RUVBL1: variants seen among roughly 807,000 people sequenced by gnomAD.
The protein encoded by RUVBL1 is RuvB like AAA ATPase 1, also known as ruvB-like 1.
RUVBL1 carries 4 observed loss-of-function variants against 52.4 expected under a neutral mutation model. The observed-to-expected ratio is 0.08, with a 90% CI of 0.04 to 0.17. The LOEUF is 0.17. RUVBL1 is among the 10% of genes least tolerant of loss of function. The probability of loss-of-function intolerance (pLI) is 1.00; values close to 1 mark genes in which losing one functional copy is unlikely to be tolerated. For missense variants in RUVBL1, 298 were observed against 572.8 expected, an observed-to-expected ratio of 0.52 and a Z score of 4.90; for synonymous variants, 217 against 214.4, an observed-to-expected ratio of 1.01 and a Z score of -0.10.
At chr3:128,070,952 G>A (rs1360043413) in intron 9 of RUVBL1, 2 of 152,276 alleles carry the variant, frequency 1.3e-5, no homozygotes, top group Admixed American at 6.5e-5. Context: ...TCGAGGTTTC[G>A]AGCTGGCTTT....
chr3:128,151,492 G>C (rs772464473), intron 1 of RUVBL1, among the ~76,000 whole-genome samples: 9 of 151,720 alleles, frequency 5.9e-5, no homozygotes, highest in Non-Finnish European at 1.3e-4. Flanking sequence ...GGTACATAAA[G>C]CCTCTAAAGC....
chr3:128,090,687 A>G (rs1191167201), intron 8 of RUVBL1, among the ~76,000 whole-genome samples: 1 of 152,236 alleles, frequency 6.6e-6, no homozygotes, highest in Non-Finnish European at 1.5e-5. Context: ...AAATCTCAGT[A>G]TTTGGTGTGC....
chr3:128,116,283 G>A (rs915942622), intron 2 of RUVBL1, among the ~76,000 whole-genome samples: 1 of 152,122 alleles, frequency 6.6e-6, no homozygotes, highest in Non-Finnish European at 1.5e-5. Context: ...GCTCACGCCT[G>A]TAATCCCAGC....
Position 128,067,108 on chromosome 3 carries a change from G to A in RUVBL1, c.940-1888C>T, listed in dbSNP as rs140316421. On this transcript the variant is annotated intron_variant, in intron 9 of 9. Transcript: ENST00000464873. The surrounding 1 kb of genome is among the most constrained non-coding windows in gnomAD (Gnocchi z 4.1). ...GTCATCTCCCAAATGCTCTCAGCTC[G>A]CTTCAGTGGCAACTTGCTGGTCAGC... The A allele has an allele frequency of 6.2e-7, 1 of 1,614,168 alleles. No individual in the cohort carries two copies. Among genetic ancestry groups the A allele is most frequent in the Non-Finnish European group, 8.5e-7 (1 of 1,180,044 alleles).
intron 1 of RUVBL1, among the ~76,000 whole-genome samples, chr3:128,142,930 G>A (rs1179080876): frequency 1.3e-5 from 2 of 152,022 alleles, no homozygotes; most frequent in Non-Finnish European, 2.9e-5. Context: ...ACAGGCGCAC[G>A]CCACCACACT....
chr3:128,087,810 T>C lies in RUVBL1; in HGVS notation c.1017-2A>G. The C allele has an allele frequency of 1.2e-6, 2 of 1,609,910 alleles. No homozygotes were observed. Among genetic ancestry groups the C allele is most frequent in the Non-Finnish European group, 1.7e-6 (2 of 1,176,248 alleles). ...GGGGATGTGATGTCCTCAGTGCCTC[T>C]GTAAGGGGCAAAATTAATCCCATCA... On this transcript the variant is annotated splice_acceptor_variant, in intron 8 of 10. Transcript: ENST00000322623. LOFTEE classifies it high-confidence loss of function.
At chr3:128,065,130 GTCA>G in exon 10 of RUVBL1, 1 of 1,299,222 alleles carries the variant, frequency 7.7e-7, no homozygotes, top group Non-Finnish European at 1.1e-6. Flanking sequence ...GGGGTGCACT[GTCA>G]TCATATTGTG....
chr3:128,151,273 C>T (rs1944207690), intron 1 of RUVBL1, among the ~76,000 whole-genome samples: 2 of 141,246 alleles, frequency 1.4e-5, no homozygotes, highest in African/African-American at 2.6e-5. Context: ...TATATATATT[C>T]TATATATAGA....
At chr3:128,117,470 G>A (rs979403383) in intron 2 of RUVBL1, among the ~76,000 whole-genome samples, 3 of 152,186 alleles carry the variant, frequency 2.0e-5, no homozygotes, top group Admixed American at 6.5e-5. Flanking sequence ...GTCTCCAGAC[G>A]TTGTCAAAGT....
chr3:128,092,026 G>A (rs1347517055), intron 8 of RUVBL1, among the ~76,000 whole-genome samples: 3 of 152,220 alleles, frequency 2.0e-5, no homozygotes, highest in Non-Finnish European at 4.4e-5. Flanking sequence ...CCTTGGCTCA[G>A]TGGACACACA....
At chr3:128,111,140 G>C (rs1016674859) in intron 3 of RUVBL1, among the ~76,000 whole-genome samples, 4 of 150,744 alleles carry the variant, frequency 2.7e-5, no homozygotes, top group African/African-American at 9.8e-5. Context: ...CACGAGAATC[G>C]CTTGAACCCA....
Position 128,100,750 on chromosome 3 carries a change from AAAAG to A in RUVBL1, c.604-10_604-7del, listed in dbSNP as rs1000819766. 1.9e-5 allele frequency: 31 copies of A among 1,613,582 alleles called. No homozygotes were observed. The highest frequency in any genetic ancestry group is 2.5e-5 in the Non-Finnish European group (30 of 1,179,896). On this transcript the variant is annotated splice_polypyrimidine_tract_variant and splice_region_variant and intron_variant, in intron 5 of 10. Coordinates refer to ENST00000322623, the MANE Select transcript of RUVBL1 (RefSeq NM_003707.3). ...GTATCACACCTGCCCTGCCTCTGCA[AAAAG>A]AGAGAAACATGAGTGCCTGGTAAGT...
chr3:128,082,432 G>A lies in RUVBL1; in HGVS notation c.1211+51C>T, dbSNP rs776724217. On this transcript the variant is annotated intron_variant, in intron 10 of 10. Transcript: ENST00000322623. This position sits in a 1 kb window ranked among gnomAD's most constrained non-coding sequence, Gnocchi z 4.7. ...TTATTGTCCAGAATGACCCCAGCGA[G>A]GGCCCTGGCTGTGCTGGGGAGGCCC... 2 of 1,359,302 alleles carry A rather than the reference G, an allele frequency of 1.5e-6. No individual in the cohort carries two copies. Among genetic ancestry groups the A allele is most frequent in the Admixed American group, 3.4e-5 (2 of 59,570 alleles). The allele number at this position is 1,359,302 out of a possible 1,614,324, so 84.2% of individuals were successfully genotyped here.
intron 3 of RUVBL1, 34 bp from the exon 4 acceptor site, chr3:128,104,958 G>A: frequency 6.3e-7 from 1 of 1,579,812 alleles, no homozygotes; most frequent in Non-Finnish European, 8.7e-7. Context: ...ATGGTGAGAA[G>A]CAGAATCTTT....
At chr3:128,069,383 A>G (rs1168270329) in intron 9 of RUVBL1, 3 of 1,191,888 alleles carry the variant, frequency 2.5e-6, no homozygotes, top group African/African-American at 1.5e-5. Context: ...CCTTTGAGGC[A>G]TTAGGTCCCA....
chr3:128,109,619 G>A (rs1041007437), intron 3 of RUVBL1, among the ~76,000 whole-genome samples: 25 of 151,894 alleles, frequency 1.6e-4, no homozygotes, highest in African/African-American at 5.1e-4. Flanking sequence ...CCAGCCTTCC[G>A]AGTAGCTGGG....
intron 9 of RUVBL1, among the ~76,000 whole-genome samples, chr3:128,087,422 C>A (rs1323693156): frequency 6.6e-6 from 1 of 152,192 alleles, no homozygotes; most frequent in Non-Finnish European, 1.5e-5. Flanking sequence ...TTTTCACTAT[C>A]CTTTTCCTAA....
intron 1 of RUVBL1, among the ~76,000 whole-genome samples, chr3:128,129,885 T>C (rs145376658): frequency 1.3e-4 from 20 of 152,280 alleles, no homozygotes; most frequent in African/African-American, 3.6e-4. Context: ...GCTAATTCAA[T>C]TGGTGCAGGG....
In RUVBL1 at chr3:128,067,934, T is replaced by C; in HGVS notation, c.940-2714A>G. The C allele has an allele frequency of 6.8e-7, 1 of 1,469,230 alleles. No homozygotes were observed. Among genetic ancestry groups the C allele is most frequent in the Non-Finnish European group, 9.5e-7 (1 of 1,048,446 alleles). 91.0% of individuals were successfully genotyped at this position (1,469,230 alleles called of 1,614,324 possible). On this transcript the variant is annotated intron_variant, in intron 9 of 9. Coordinates refer to the RUVBL1 transcript ENST00000464873. The surrounding 1 kb of genome is among the most constrained non-coding windows in gnomAD (Gnocchi z 4.1). ...GTTCAGTACCACTTGGAATGCCTAT[T>C]TCCCCTTCAGCCTCCAATTCCAACT...
Sources: allele counts gnomAD v4.1 joint callset (sites outside exome capture counted in the v4.1 genomes callset), GRCh38; gene constraint gnomAD v4.1.1; non-coding constraint Gnocchi (gnomAD v3.1); transcripts MANE v1.5; gene names NCBI Gene and HGNC (gene_info 2026-07-23, HGNC 2026-07-21).